Variants in PTPRD observed in about 807,000 individuals in gnomAD.
The protein encoded by PTPRD is protein tyrosine phosphatase receptor type D.
A neutral mutation model predicts 214.5 loss-of-function variants in PTPRD; 34 were observed. The ratio of observed to expected loss-of-function variants is 0.16; its 90% CI spans 0.12 to 0.21. The LOEUF (loss-of-function observed/expected upper bound fraction) is 0.21. PTPRD is among the 10% of genes least tolerant of loss of function. The probability of loss-of-function intolerance (pLI) is 1.00; values close to 1 mark genes in which losing one functional copy is unlikely to be tolerated. For synonymous variants in PTPRD, 1,128 were observed against 845.7 expected, an observed-to-expected ratio of 1.33 and a Z score of -5.79; for missense variants, 2,545 against 2,398.7, an observed-to-expected ratio of 1.06 and a Z score of -1.27.
intron 44 of PTPRD, among the ~76,000 whole-genome samples, chr9:8,329,508 GGA>G (rs1298684677): frequency 6.6e-6 from 1 of 152,164 alleles, no homozygotes; most frequent in Non-Finnish European, 1.5e-5. Context: ...ACCCACTTGA[GGA>G]GAGAGTCTGT....
intron 3 of PTPRD, among the ~76,000 whole-genome samples, chr9:10,068,004 T>G (rs1306591529): frequency 6.6e-6 from 1 of 151,954 alleles, no homozygotes; most frequent in Non-Finnish European, 1.5e-5. Flanking sequence ...GAATCACAAT[T>G]TAAACTTTTC....
chr9:9,243,367 T>C (rs2099971353), intron 9 of PTPRD, among the ~76,000 whole-genome samples: 1 of 152,156 alleles, frequency 6.6e-6, no homozygotes, highest in African/African-American at 2.4e-5. Flanking sequence ...ATATCCCTGA[T>C]GAACATTGAT....
chr9:10,611,548 C>T (rs1395100941), intron 2 of PTPRD, among the ~76,000 whole-genome samples: 1 of 151,990 alleles, frequency 6.6e-6, no homozygotes, highest in Non-Finnish European at 1.5e-5. Flanking sequence ...GAAGAGTGTC[C>T]TACTTCTGTA....
chr9:9,535,123 A>T (rs2076253893), intron 8 of PTPRD, among the ~76,000 whole-genome samples: 1 of 152,092 alleles, frequency 6.6e-6, no homozygotes, highest in Admixed American at 6.6e-5. Context: ...CAGCCTCTGG[A>T]CTGACACACT....
intron 5 of PTPRD, among the ~76,000 whole-genome samples, chr9:9,884,699 T>G (rs1056594655): frequency 2.6e-5 from 4 of 152,118 alleles, no homozygotes; most frequent in African/African-American, 9.7e-5. Context: ...GAAAGGTAAT[T>G]GAATCATGGG....
intron 11 of PTPRD, among the ~76,000 whole-genome samples, chr9:8,928,395 G>A (rs2098919365): frequency 6.6e-6 from 1 of 152,116 alleles, no homozygotes; most frequent in Non-Finnish European, 1.5e-5. Context: ...TGTAAGGAAG[G>A]GGTCCAGTTT....
At chr9:9,275,766 C>G (rs1312515200) in intron 9 of PTPRD, among the ~76,000 whole-genome samples, 1 of 151,224 alleles carries the variant, frequency 6.6e-6, no homozygotes, top group Non-Finnish European at 1.5e-5. Flanking sequence ...GCACTCATTA[C>G]TCACCTCCCT....
chr9:9,633,559 GC>G (rs1317077022), intron 7 of PTPRD, among the ~76,000 whole-genome samples: 4 of 152,136 alleles, frequency 2.6e-5, no homozygotes, highest in African/African-American at 9.7e-5. Flanking sequence ...GCTATCATAA[GC>G]AAGGAGTCTG....
intron 11 of PTPRD, among the ~76,000 whole-genome samples, chr9:8,758,543 A>C (rs1565842474): frequency 1.3e-5 from 2 of 152,212 alleles, no homozygotes; most frequent in African/African-American, 2.4e-5. Flanking sequence ...TGCTAGAATG[A>C]AAGGCTCATA....
At chr9:10,582,209 T>C (rs935435322) in intron 2 of PTPRD, among the ~76,000 whole-genome samples, 3 of 152,134 alleles carry the variant, frequency 2.0e-5, no homozygotes, top group Non-Finnish European at 1.5e-5. Flanking sequence ...GTGAAACTGT[T>C]TATCAACAAG....
chr9:9,652,569 G>A (rs534251938), intron 7 of PTPRD, among the ~76,000 whole-genome samples: 1 of 151,528 alleles, frequency 6.6e-6, no homozygotes, highest in East Asian at 1.9e-4. Flanking sequence ...CAAATTCAAG[G>A]TCTTTTACTT....
chr9:10,315,885 C>T (rs2096408817), intron 3 of PTPRD, among the ~76,000 whole-genome samples: 1 of 151,768 alleles, frequency 6.6e-6, no homozygotes, highest in Non-Finnish European at 1.5e-5. Context: ...AGAAATGAGT[C>T]TTTCTCATGA....
chr9:10,416,978 T>G (rs2098496990), intron 2 of PTPRD, among the ~76,000 whole-genome samples: 2 of 151,892 alleles, frequency 1.3e-5, no homozygotes, highest in Admixed American at 1.3e-4. Flanking sequence ...AATCTTTAGG[T>G]TCTAAACAAC....
At chr9:9,682,353 T>G (rs2097091655) in intron 7 of PTPRD, among the ~76,000 whole-genome samples, 1 of 151,806 alleles carries the variant, frequency 6.6e-6, no homozygotes, top group Non-Finnish European at 1.5e-5. Flanking sequence ...CTAATGACTA[T>G]TCCCATTTTT....
intron 5 of PTPRD, among the ~76,000 whole-genome samples, chr9:9,791,203 G>T (rs1015358501): frequency 1.3e-5 from 2 of 151,990 alleles, no homozygotes; most frequent in East Asian, 1.9e-4. Context: ...AAAGATTTTA[G>T]TTTAGTTATA....
At chr9:9,457,131 G>A (rs1335840397) in intron 8 of PTPRD, among the ~76,000 whole-genome samples, 1 of 151,918 alleles carries the variant, frequency 6.6e-6, no homozygotes, top group Non-Finnish European at 1.5e-5. Context: ...ACTAGGTGAA[G>A]TACAAGGGAG....
chr9:8,941,301 T>C (rs931445105), intron 11 of PTPRD, among the ~76,000 whole-genome samples: 2 of 152,188 alleles, frequency 1.3e-5, no homozygotes, highest in African/African-American at 4.8e-5. Flanking sequence ...AAGAGGAGTG[T>C]ATTTGCAACT....
intron 4 of PTPRD, among the ~76,000 whole-genome samples, chr9:9,967,867 G>A (rs954779506): frequency 2.0e-5 from 3 of 151,972 alleles, no homozygotes; most frequent in African/African-American, 7.2e-5. Context: ...AAAATTAATA[G>A]GTTTTACAAG....
intron 7 of PTPRD, among the ~76,000 whole-genome samples, chr9:9,672,263 A>G (rs1262155865): frequency 6.6e-6 from 1 of 152,136 alleles, no homozygotes; most frequent in Non-Finnish European, 1.5e-5. Flanking sequence ...TCATCTAAAG[A>G]CTATTTTTAA....
Sources: gnomAD v4.1 joint callset for allele counts (sites outside exome capture counted in the v4.1 genomes callset) on GRCh38, gnomAD v4.1.1 for gene constraint, MANE v1.5 for transcripts, NCBI Gene and HGNC (gene_info 2026-07-23, HGNC 2026-07-21) for gene names.